CDH12: variants seen among roughly 807,000 people sequenced by gnomAD.
CDH12 encodes the protein cadherin-12.
A neutral mutation model predicts 74.1 loss-of-function variants in CDH12; 41 were observed. That is an observed-to-expected ratio of 0.55 (90% confidence interval 0.43 to 0.72). The LOEUF (loss-of-function observed/expected upper bound fraction) is 0.72, where lower values mean the gene tolerates loss of function less well. Among genes scored for constraint, CDH12 ranks in the 30% least tolerant of loss-of-function variants. CDH12 has a pLI of 0.00. For missense variants in CDH12, 945 were observed against 977.2 expected, an observed-to-expected ratio of 0.97 and a Z score of 0.44; for synonymous variants, 399 against 355.0, an observed-to-expected ratio of 1.12 and a Z score of -1.39.
chr5:21,840,333 A>T (rs1749767508), intron 8 of CDH12, among the ~76,000 whole-genome samples: 1 of 152,170 alleles, frequency 6.6e-6, no homozygotes, highest in Non-Finnish European at 1.5e-5. Context: ...AAAAATTGAT[A>T]GCATAAGACC....
At chr5:22,036,003 A>G (rs1739154253) in intron 5 of CDH12, among the ~76,000 whole-genome samples, 1 of 151,624 alleles carries the variant, frequency 6.6e-6, no homozygotes, top group South Asian at 2.1e-4. Flanking sequence ...ACTAGAAACA[A>G]CTCCCTACAG....
chr5:21,755,647 A>G lies in CDH12; in HGVS notation c.1829T>C (p.Val610Ala), dbSNP rs749280570. 1 of 1,614,040 alleles carries G rather than the reference A, an allele frequency of 6.2e-7. No homozygotes were observed. Among genetic ancestry groups the G allele is most frequent in the Non-Finnish European group, 8.5e-7 (1 of 1,179,920 alleles). Reference sequence around the variant, plus strand: ...AATCAACGCCCCAGTGCTAAGTCCTACAGGTAGAAAAATTGCTTCCACATT... The same window carrying G: ...AATCAACGCCCCAGTGCTAAGTCCTGCAGGTAGAAAAATTGCTTCCACATT... ...SCNVEAIFLP[V>A]GLSTGALIAI... Residue 610 changes from valine to alanine, a missense_variant, in exon 14 of 15, where the codon GTA becomes GCA. Transcript: ENST00000382254.
intron 3 of CDH12, among the ~76,000 whole-genome samples, chr5:22,346,089 G>A (rs1290741244): frequency 7.6e-6 from 1 of 131,592 alleles, no homozygotes; most frequent in African/African-American, 2.9e-5. Flanking sequence ...CTGGGTGACA[G>A]AGAAAGACTT....
At chr5:22,456,133 A>G (rs1745260868) in intron 2 of CDH12, among the ~76,000 whole-genome samples, 1 of 150,488 alleles carries the variant, frequency 6.6e-6, no homozygotes, top group Non-Finnish European at 1.5e-5. Flanking sequence ...ATATATATAT[A>G]TAAAACGATC....
At position 22,004,386 on chromosome 5, in the gene CDH12, A is replaced by G. The variant is rs143782484; in HGVS notation, c.232-29001T>C. ...TTAGCAATAGGAAGGTTCATATTTC[A>G]CTCAGTCAAACCTAAATCCTTGGAG... On this transcript the variant is annotated intron_variant, in intron 5 of 14. Transcript: ENST00000382254. Among the ~76,000 whole-genome samples the G allele has an allele frequency of 5.2e-3, 795 of 152,196 alleles. 7 individuals carry two copies. Among genetic ancestry groups the G allele is most frequent in the Middle Eastern group, 0.024 (7 of 294 alleles).
chr5:22,552,047 T>C (rs553590108), intron 1 of CDH12, among the ~76,000 whole-genome samples: 43 of 152,292 alleles, frequency 2.8e-4, no homozygotes, highest in African/African-American at 9.9e-4. Context: ...TGGGAGGCAG[T>C]GTATATAGGA....
intron 1 of CDH12, among the ~76,000 whole-genome samples, chr5:22,704,563 T>G (rs2126964486): frequency 6.6e-6 from 1 of 152,244 alleles, no homozygotes; most frequent in East Asian, 1.9e-4. Context: ...CAACAAAGTA[T>G]TATAATGTTT....
At chr5:22,656,068 G>C (rs2126890634) in intron 1 of CDH12, among the ~76,000 whole-genome samples, 1 of 151,910 alleles carries the variant, frequency 6.6e-6, no homozygotes, top group Middle Eastern at 3.4e-3. Flanking sequence ...TAAATGTTGG[G>C]GCTTAGTGTA....
chr5:22,796,517 T>C (rs200154945), intron 1 of CDH12, among the ~76,000 whole-genome samples: 2 of 88,396 alleles, frequency 2.3e-5, no homozygotes, highest in South Asian at 4.1e-4. Context: ...TTTTTATCTT[T>C]TTTTTTTTTT....
chr5:22,117,527 T>TATATATATA (rs1745245377), intron 4 of CDH12, among the ~76,000 whole-genome samples: 3 of 103,114 alleles, frequency 2.9e-5, no homozygotes, highest in African/African-American at 1.2e-4. Context: ...ATATATAATA[T>TATATATATA]ATATATATAT....
chr5:22,332,698 A>C (rs2150446742), intron 3 of CDH12, among the ~76,000 whole-genome samples: 1 of 152,314 alleles, frequency 6.6e-6, no homozygotes, highest in South Asian at 2.1e-4. Flanking sequence ...TTATGCAGCC[A>C]AAAAACATAT....
intron 3 of CDH12, among the ~76,000 whole-genome samples, chr5:22,232,283 T>C (rs903415693): frequency 2.0e-5 from 3 of 151,902 alleles, no homozygotes; most frequent in Non-Finnish European, 4.4e-5. Context: ...AAGAACGATA[T>C]GTAACAATAT....
In CDH12 at chr5:22,666,353, G is replaced by A. The variant is rs367852166; in HGVS notation, c.-522-160989C>T. On this transcript the variant is annotated intron_variant, in intron 1 of 14. Coordinates refer to ENST00000382254, the MANE Select transcript of CDH12 (RefSeq NM_004061.5). ...CGCCCAGGCTGGAGTGCAGTGGCACGATCTCGGCTCACTGCAAGCTCCGCC... is the reference window on the plus strand; with the variant it reads ...CGCCCAGGCTGGAGTGCAGTGGCACAATCTCGGCTCACTGCAAGCTCCGCC... Among the ~76,000 whole-genome samples the A allele has an allele frequency of 4.4e-5, 6 of 136,344 alleles. No individual in the cohort carries two copies. The South Asian group carries it at 1.4e-3, about 33-fold the overall frequency. The allele number at this position is 136,344 out of a possible 152,430, so 89.4% of individuals were successfully genotyped here. A position where few individuals can be genotyped will look rare whatever the true frequency, so the allele number is the denominator to read the frequency against.
chr5:22,353,547 T>C (rs993533242), intron 3 of CDH12, among the ~76,000 whole-genome samples: 9 of 152,148 alleles, frequency 5.9e-5, no homozygotes, highest in African/African-American at 2.2e-4. Context: ...ACATTTTTAA[T>C]TAAATAGTTT....
At chr5:22,492,942 C>T (rs935350416) in intron 2 of CDH12, among the ~76,000 whole-genome samples, 13 of 152,128 alleles carry the variant, frequency 8.5e-5, no homozygotes, top group South Asian at 4.1e-4. Context: ...CAAAAAGACC[C>T]GAAAGATTTG....
At chr5:22,144,942 T>C (rs1747061176) in intron 4 of CDH12, among the ~76,000 whole-genome samples, 1 of 152,110 alleles carries the variant, frequency 6.6e-6, no homozygotes, top group South Asian at 2.1e-4. Flanking sequence ...GGCAATGTTG[T>C]AGAATTTAAC....
intron 6 of CDH12, among the ~76,000 whole-genome samples, chr5:21,907,455 G>T (rs1184355802): frequency 6.6e-6 from 1 of 152,202 alleles, no homozygotes; most frequent in Non-Finnish European, 1.5e-5. Flanking sequence ...GTTGGCAAAG[G>T]GAGGGCCTTG....
At chr5:22,705,872 GTATACT>G (rs1158607799) in intron 1 of CDH12, among the ~76,000 whole-genome samples, 44 of 151,898 alleles carry the variant, frequency 2.9e-4, no homozygotes, top group Middle Eastern at 6.8e-3. Context: ...TATTCTAATG[GTATACT>G]TATACAAATG....
At chr5:22,520,578 A>G (rs1737010388) in intron 1 of CDH12, among the ~76,000 whole-genome samples, 2 of 152,134 alleles carry the variant, frequency 1.3e-5, no homozygotes, top group South Asian at 4.1e-4. Flanking sequence ...AAATACAGAA[A>G]AAAATAGGTA....
Sources: gnomAD v4.1 joint callset for allele counts (sites outside exome capture counted in the v4.1 genomes callset) on GRCh38, gnomAD v4.1.1 for gene constraint, MANE v1.5 for transcripts, NCBI Gene and HGNC (gene_info 2026-07-23, HGNC 2026-07-21) for gene names.